ESR1: variants seen among roughly 807,000 people sequenced by gnomAD.
ESR1 encodes the protein estrogen receptor.
A neutral mutation model predicts 52.7 loss-of-function variants in ESR1; 12 were observed. The observed-to-expected ratio is 0.23, with a 90% CI of 0.15 to 0.37. The LOEUF is 0.37. Ranked by LOEUF, ESR1 falls within the 10% of genes least tolerant of loss-of-function variation. The pLI is 1.00. For synonymous variants in ESR1, 305 were observed against 316.8 expected, an observed-to-expected ratio of 0.96 and a Z score of 0.39; for missense variants, 584 against 779.7, an observed-to-expected ratio of 0.75 and a Z score of 2.99.
At chr6:151,728,738 A>G (rs951316695) in intron 2 of ESR1, among the ~76,000 whole-genome samples, 5 of 152,180 alleles carry the variant, frequency 3.3e-5, no homozygotes, top group African/African-American at 1.2e-4. Flanking sequence ...ACTGTTTACC[A>G]AAAAGAATGT....
At chr6:152,034,360 C>A (rs1187418832) in intron 5 of ESR1, among the ~76,000 whole-genome samples, 1 of 151,890 alleles carries the variant, frequency 6.6e-6, no homozygotes. Context: ...CTTTAGGGGC[C>A]TGTTCATACA....
chr6:151,735,199 A>G (rs1338721781), intron 2 of ESR1, among the ~76,000 whole-genome samples: 1 of 152,134 alleles, frequency 6.6e-6, no homozygotes, highest in Non-Finnish European at 1.5e-5. Context: ...TAGGTTTCTT[A>G]GCATAATGCG....
intron 3 of ESR1, among the ~76,000 whole-genome samples, chr6:151,916,957 T>C (rs995593738): frequency 6.6e-6 from 1 of 152,172 alleles, no homozygotes; most frequent in Admixed American, 6.6e-5. Context: ...CTTTATTAAA[T>C]CTCCAGCGAG....
intron 2 of ESR1, among the ~76,000 whole-genome samples, chr6:151,763,282 C>G (rs1250004839): frequency 6.6e-6 from 1 of 151,596 alleles, no homozygotes. Context: ...TGTTGTCTTT[C>G]CATATATAAT....
rs9341082 is a variant in ESR1, at chr6:152,102,837, G to A, written c.*3871G>A. On this transcript the variant is annotated 3_prime_UTR_variant, in exon 8 of 8. Coordinates refer to ENST00000206249, the MANE Select transcript of ESR1 (RefSeq NM_000125.4). ...AATGCTGCCATGTTCCAAACCCATC[G>A]TCAGTGTGTGTGTTTAGAGCTGTGC... The A allele has an allele frequency of 1.8e-4, 40 of 226,038 alleles. No homozygotes were observed. Among genetic ancestry groups the A allele is most frequent in the Middle Eastern group, 1.3e-3 (1 of 750 alleles). 14.0% of individuals were successfully genotyped at this position (226,038 alleles called of 1,614,324 possible).
intron 5 of ESR1, among the ~76,000 whole-genome samples, chr6:152,017,276 CTTTCCT>C (rs1242009489): frequency 6.6e-6 from 1 of 152,288 alleles, no homozygotes; most frequent in East Asian, 1.9e-4. Context: ...TAGTTTATAA[CTTTCCT>C]AGTAGTCATA....
intron 2 of ESR1, among the ~76,000 whole-genome samples, chr6:151,850,408 G>A (rs192819751): frequency 1.1e-3 from 162 of 148,868 alleles, no homozygotes; most frequent in Non-Finnish European, 8.4e-4. Context: ...AGAAGAGAGA[G>A]AGGGAGGAGA....
At chr6:152,043,500 G>A (rs925854116) in intron 5 of ESR1, among the ~76,000 whole-genome samples, 8 of 152,138 alleles carry the variant, frequency 5.3e-5, no homozygotes, top group Non-Finnish European at 1.5e-5. Flanking sequence ...CATCTCTAAG[G>A]GGCCTGCCGG....
At chr6:152,001,908 A>G (rs1431082916) in intron 4 of ESR1, among the ~76,000 whole-genome samples, 1 of 151,972 alleles carries the variant, frequency 6.6e-6, no homozygotes, top group Non-Finnish European at 1.5e-5. Context: ...TGTGCTTGTG[A>G]GACCCTTGGA....
intron 1 of ESR1, among the ~76,000 whole-genome samples, chr6:151,658,164 C>T (rs762672439): frequency 2.8e-4 from 43 of 152,168 alleles, no homozygotes; most frequent in Non-Finnish European, 4.9e-4. Flanking sequence ...AGTGTCTTGA[C>T]TGCAGTAGGC....
At chr6:151,948,245 A>C (rs2035933204) in intron 4 of ESR1, among the ~76,000 whole-genome samples, 2 of 152,204 alleles carry the variant, frequency 1.3e-5, no homozygotes, top group Admixed American at 1.3e-4. Flanking sequence ...TGTGTCACCA[A>C]AGTGTCATTT....
chr6:151,806,553 T>C (rs868308022), upstream of ESR1, among the ~76,000 whole-genome samples: 1 of 143,930 alleles, frequency 6.9e-6, no homozygotes, highest in African/African-American at 2.6e-5. Context: ...TATATATATA[T>C]ATATACACAT....
At chr6:151,700,198 A>G (rs1283948091) in intron 1 of ESR1, among the ~76,000 whole-genome samples, 1 of 152,152 alleles carries the variant, frequency 6.6e-6, no homozygotes, top group Non-Finnish European at 1.5e-5. Context: ...GCATTTCATT[A>G]CTTTAGATTA....
chr6:151,960,477 G>A (rs965375277), intron 4 of ESR1, among the ~76,000 whole-genome samples: 1 of 152,110 alleles, frequency 6.6e-6, no homozygotes, highest in Non-Finnish European at 1.5e-5. Flanking sequence ...CCATGTGGAG[G>A]GAGCAGCATT....
At chr6:151,974,774 T>TG (rs1391515908) in intron 4 of ESR1, among the ~76,000 whole-genome samples, 1 of 152,166 alleles carries the variant, frequency 6.6e-6, no homozygotes, top group Non-Finnish European at 1.5e-5. Flanking sequence ...AGACAAGCAA[T>TG]GAAATTCTTG....
At chr6:151,701,204 G>T (rs1684806307) in intron 1 of ESR1, among the ~76,000 whole-genome samples, 2 of 133,648 alleles carry the variant, frequency 1.5e-5, no homozygotes, top group Non-Finnish European at 3.2e-5. Flanking sequence ...GATACTGTGG[G>T]CTGGGAGTTT....
chr6:152,112,976 C>G (rs969892638), intron 6 of ESR1: 8 of 152,208 alleles, frequency 5.3e-5, no homozygotes, highest in African/African-American at 1.9e-4. Context: ...AGGGAAGAAC[C>G]CCAAATGGCA....
rs150095538 is a variant in ESR1, at chr6:151,849,247, G to A, written c.643+6460G>A. ...CCGTGCAAACTTGGATGTAAACTCA[G>A]TGATAGCTGATTTCTGTTCAGCATT... On this transcript the variant is annotated intron_variant, in intron 2 of 7. Transcript: ENST00000206249. Among the ~76,000 whole-genome samples the A allele has an allele frequency of 6.4e-3, 980 of 152,222 alleles. 7 individuals carry two copies. The highest frequency in any genetic ancestry group is 0.023 in the African/African-American group (950 of 41,530).
chr6:151,866,453 T>A (rs1294112263), intron 2 of ESR1, among the ~76,000 whole-genome samples: 2 of 152,148 alleles, frequency 1.3e-5, no homozygotes, highest in Non-Finnish European at 2.9e-5. Context: ...AATTAGGTAT[T>A]TCTTCTAATG....
Sources: gnomAD v4.1 joint callset for allele counts (sites outside exome capture counted in the v4.1 genomes callset) on GRCh38, gnomAD v4.1.1 for gene constraint, MANE v1.5 for transcripts, NCBI Gene and HGNC (gene_info 2026-07-23, HGNC 2026-07-21) for gene names.